The following JDP2 variants were observed in gnomAD, a reference collection of about 807,000 sequenced individuals.
JDP2 encodes Jun dimerization protein 2.
A neutral mutation model predicts 17.1 loss-of-function variants in JDP2; 9 were observed. That is an observed-to-expected ratio of 0.53 (90% CI 0.32 to 0.92). JDP2 has a LOEUF of 0.92. Among genes scored for constraint, JDP2 ranks in the 40% least tolerant of loss-of-function variants. The probability of loss-of-function intolerance (pLI) is 0.04; values close to 1 mark genes in which losing one functional copy is unlikely to be tolerated. For synonymous variants in JDP2, 107 were observed against 95.6 expected (o/e 1.12, Z -0.69); for missense variants, 179 against 220.0 (o/e 0.81, Z 1.18).
At chr14:75,435,080 C>T (rs1407375117) in intron 1 of JDP2, among the ~76,000 whole-genome samples, 1 of 152,234 alleles carries the variant, frequency 6.6e-6, no homozygotes, top group Admixed American at 6.5e-5. Context: ...TTGTTCCCGG[C>T]ACAGTTTTGC....
At chr14:75,431,733 A>G (rs1439348724) in intron 1 of JDP2, among the ~76,000 whole-genome samples, 1 of 152,170 alleles carries the variant, frequency 6.6e-6, no homozygotes, top group Non-Finnish European at 1.5e-5. Context: ...AGAGCTGGAA[A>G]GTGGGAGAGC....
intron 3 of JDP2, among the ~76,000 whole-genome samples, chr14:75,464,895 G>A (rs1886506503): frequency 6.6e-6 from 1 of 152,252 alleles, no homozygotes; most frequent in South Asian, 2.1e-4. Flanking sequence ...AATGCTGGCA[G>A]CTTCTGTCTC....
intron 2 of JDP2, among the ~76,000 whole-genome samples, chr14:75,443,040 T>C (rs1885426002): frequency 6.6e-6 from 1 of 152,116 alleles, no homozygotes; most frequent in African/African-American, 2.4e-5. Context: ...GACTTAACTG[T>C]CTGTGGATTT....
At chr14:75,447,211 T>C (rs1219574031) in intron 2 of JDP2, among the ~76,000 whole-genome samples, 1 of 152,212 alleles carries the variant, frequency 6.6e-6, no homozygotes, top group African/African-American at 2.4e-5. Context: ...GAAAACCTGG[T>C]AATCCAGTTA....
At chr14:75,445,658 A>G (rs1319083849) in intron 2 of JDP2, 1 of 884,772 alleles carries the variant, frequency 1.1e-6, no homozygotes, top group Admixed American at 6.2e-5. Context: ...CCATATACAT[A>G]TATTATCTCA....
At chr14:75,445,070 TCTTA>T in intron 2 of JDP2, 1 of 984,026 alleles carries the variant, frequency 1.0e-6, no homozygotes, top group South Asian at 4.7e-5. Context: ...AATCCTACCA[TCTTA>T]CTTTGATGTT....
chr14:75,432,441 C>A (rs533651912), intron 1 of JDP2: 1 of 1,055,126 alleles, frequency 9.5e-7, no homozygotes, highest in Non-Finnish European at 1.4e-6. Context: ...GGCTCTGGCT[C>A]CCAAGGTCCC....
At chr14:75,445,307 C>G in intron 2 of JDP2, 1 of 985,544 alleles carries the variant, frequency 1.0e-6, no homozygotes, top group Non-Finnish European at 1.2e-6. Context: ...GGGCCTGGGC[C>G]TCCTCTGGGT....
chr14:75,440,114 T>C (rs966533282), intron 2 of JDP2, among the ~76,000 whole-genome samples: 5 of 152,250 alleles, frequency 3.3e-5, no homozygotes, highest in Non-Finnish European at 5.9e-5. Flanking sequence ...GCATCTGCCC[T>C]GTACCCGACA....
intron 3 of JDP2, among the ~76,000 whole-genome samples, chr14:75,467,290 A>T (rs1277783452): frequency 6.6e-6 from 1 of 152,152 alleles, no homozygotes; most frequent in Non-Finnish European, 1.5e-5. Context: ...TTCTCAACCC[A>T]GCCTGAGTCA....
chr14:75,473,572 A>G lies in JDP2; in HGVS notation c.*4097A>G, dbSNP rs1432991277. ...TTTTTAAAAAGTTGAAAACAACCTA[A>G]ATGATGATCAGCATAAGAACAAATA... On this transcript the variant is annotated 3_prime_UTR_variant, in exon 4 of 4. Transcript: ENST00000651602. 1.3e-5 allele frequency: 2 copies of G among 152,214 alleles called. No individual in the cohort carries two copies. The highest frequency in any genetic ancestry group is 4.8e-5 in the African/African-American group (2 of 41,448). The allele number at this position is 152,214 out of a possible 1,614,324, so 9.4% of individuals were successfully genotyped here.
chr14:75,470,690 C>T lies in JDP2; in HGVS notation c.*1215C>T, dbSNP rs1427825400. 1 of 152,172 alleles carries T rather than the reference C, an allele frequency of 6.6e-6. No individual in the cohort carries two copies. Among genetic ancestry groups the T allele is most frequent in the Non-Finnish European group, 1.5e-5 (1 of 68,034 alleles). The allele number at this position is 152,172 out of a possible 1,614,324, so 9.4% of individuals were successfully genotyped here. ...TGAGGGCCTGTTGTGTGTGCCAGGC[C>T]CTGAGAATTCACTGGAGGATGAAAC... On this transcript the variant is annotated 3_prime_UTR_variant, in exon 4 of 4. Coordinates refer to ENST00000651602, the MANE Select transcript of JDP2 (RefSeq NM_001135048.2).
Position 75,469,151 on chromosome 14 carries a change from C to G in JDP2, c.307-139C>G, listed in dbSNP as rs1222281308. 4 of 705,876 alleles carry G rather than the reference C, an allele frequency of 5.7e-6. No homozygotes were observed. In the East Asian group the frequency reaches 1.1e-4, roughly 20 times the overall value. The allele number at this position is 705,876 out of a possible 1,614,324, so 43.7% of individuals were successfully genotyped here. Reference sequence around the variant, plus strand: ...GCAGAAAGTCAGTTAGCCAGGGGCTCAGTAGCAGGGTCTGTGCTTCTTCCT... The same window carrying G: ...GCAGAAAGTCAGTTAGCCAGGGGCTGAGTAGCAGGGTCTGTGCTTCTTCCT... On this transcript the variant is annotated intron_variant, in intron 3 of 3. Coordinates refer to ENST00000651602, the MANE Select transcript of JDP2 (RefSeq NM_001135048.2).
At chr14:75,439,297 T>C (rs1193516212) in intron 2 of JDP2, among the ~76,000 whole-genome samples, 1 of 152,184 alleles carries the variant, frequency 6.6e-6, no homozygotes, top group African/African-American at 2.4e-5. Context: ...AAACTGGCCA[T>C]TTGCAGGCTG....
intron 2 of JDP2, among the ~76,000 whole-genome samples, chr14:75,439,151 G>C (rs1398326694): frequency 6.6e-6 from 1 of 152,182 alleles, no homozygotes; most frequent in Non-Finnish European, 1.5e-5. Context: ...TCGTGGAGAA[G>C]GGTGTCTGGG....
At chr14:75,444,842 G>A (rs1885521321) in intron 2 of JDP2, among the ~76,000 whole-genome samples, 1 of 152,216 alleles carries the variant, frequency 6.6e-6, no homozygotes, top group Non-Finnish European at 1.5e-5. Flanking sequence ...GAAGCAAGCA[G>A]ACTTTCCAGT....
upstream of JDP2, chr14:75,427,573 G>A (rs941087775): frequency 6.5e-6 from 1 of 152,842 alleles, no homozygotes; most frequent in Non-Finnish European, 1.5e-5. The surrounding 1 kb of genome is among the most constrained non-coding windows in gnomAD (Gnocchi z 4.4). Flanking sequence ...GGTTAACACA[G>A]GCTGTGCGTG....
rs184049833 is a variant in JDP2, at chr14:75,439,536, T to G, written c.201+1415T>G. ...CCTGTTATTCGTGATCCTACTTACA[T>G]TGTTGGTTTTGCTTTTGCTACTACC... On this transcript the variant is annotated intron_variant, in intron 2 of 3. Coordinates refer to ENST00000651602, the MANE Select transcript of JDP2 (RefSeq NM_001135048.2). Among the ~76,000 whole-genome samples, 267 of 152,348 alleles carry G rather than the reference T, an allele frequency of 1.8e-3. 3 individuals carry two copies. Among genetic ancestry groups the G allele is most frequent in the Middle Eastern group, 3.4e-3 (1 of 294 alleles).
chr14:75,445,488 A>C, intron 2 of JDP2: 1 of 985,380 alleles, frequency 1.0e-6, no homozygotes, highest in Non-Finnish European at 1.2e-6. Context: ...CCAACTCCCC[A>C]GTCCCCGCGA....
Sources: gnomAD v4.1 joint callset for allele counts (sites outside exome capture counted in the v4.1 genomes callset) on GRCh38, gnomAD v4.1.1 for gene constraint, Gnocchi (gnomAD v3.1) non-coding constraint, MANE v1.5 for transcripts, NCBI Gene and HGNC (gene_info 2026-07-23, HGNC 2026-07-21) for gene names.